The following RDX variants were observed in gnomAD, a reference collection of about 807,000 sequenced individuals.
RDX encodes the protein deafness, autosomal recessive 24.
Under a neutral mutation model 83.7 loss-of-function variants are expected in RDX, and 32 were observed. The ratio of observed to expected loss-of-function variants is 0.38; its 90% CI spans 0.29 to 0.51. RDX has a LOEUF of 0.51. RDX is among the 20% of genes least tolerant of loss of function. The pLI is 0.87. For missense variants in RDX, 600 were observed against 689.9 expected (o/e 0.87, Z 1.46); for synonymous variants, 229 against 222.7 (o/e 1.03, Z -0.25).
In RDX at chr11:110,271,798, A is replaced by G. The variant is rs1176543358; in HGVS notation, c.96+738T>C. Among the ~76,000 whole-genome samples the G allele has an allele frequency of 2.0e-5, 3 of 152,188 alleles. No homozygotes were observed. In the East Asian group the frequency reaches 5.8e-4, roughly 29 times the overall value. ...GCCTCATACATTATGAACCTATGAC[A>G]CCAAATTGTTGTTAGGGATCTCTGT... is the stretch of plus-strand genomic sequence containing the variant. On this transcript the variant is annotated intron_variant, in intron 3 of 13. Transcript: ENST00000645495.
At chr11:110,264,556 T>C (rs981561768) in intron 4 of RDX, among the ~76,000 whole-genome samples, 3 of 152,042 alleles carry the variant, frequency 2.0e-5, no homozygotes, top group Admixed American at 6.6e-5. Flanking sequence ...ATATTTGTTA[T>C]AGGCTAAGTT....
At chr11:110,276,651 T>C (rs1179295987) in intron 2 of RDX, among the ~76,000 whole-genome samples, 1 of 152,222 alleles carries the variant, frequency 6.6e-6, no homozygotes, top group Non-Finnish European at 1.5e-5. Context: ...AGATCTCCTT[T>C]AATGACTTTC....
At position 110,237,650 on chromosome 11, in the gene RDX, G is replaced by C; in HGVS notation, c.1093C>G (p.Leu365Val). ...AGAGCTTTTCGAGTCTGTTCTTCTA[G>C]TTCTATGAAATATGTGTATTCCCCC... ...EEQTIKAQKE[L>V]EEQTRKALEL... The change falls in exon 11 of 14, where the codon CTA becomes GTA. Residue 365 changes from leucine to valine, a missense_variant and splice_region_variant. By Grantham distance (32) the Leu-to-Val change is conservative. Coordinates refer to ENST00000645495, the MANE Select transcript of RDX (RefSeq NM_002906.4). The C allele has an allele frequency of 6.2e-7, 1 of 1,613,962 alleles. No individual in the cohort carries two copies. The highest frequency in any genetic ancestry group is 8.5e-7 in the Non-Finnish European group (1 of 1,179,888).
At chr11:110,271,243 T>C (rs183207014) in intron 3 of RDX, among the ~76,000 whole-genome samples, 66 of 152,326 alleles carry the variant, frequency 4.3e-4, no homozygotes, top group Admixed American at 2.5e-3. Context: ...TTTCATCAGA[T>C]TTGAATCTGT....
chr11:110,290,376 GT>G (rs1386608971), intron 1 of RDX, among the ~76,000 whole-genome samples: 1 of 152,048 alleles, frequency 6.6e-6, no homozygotes, highest in Non-Finnish European at 1.5e-5. Flanking sequence ...GCCGGGAGTG[GT>G]GGCAAGCTCC....
Position 110,255,316 on chromosome 11 carries a change from A to G in RDX, c.768T>C (p.Val256=), listed in dbSNP as rs1169113056. The G allele has an allele frequency of 6.3e-7, 1 of 1,587,870 alleles. No homozygotes were observed. Among genetic ancestry groups the G allele is most frequent in the Non-Finnish European group, 8.6e-7 (1 of 1,156,818 alleles). ...RNISFNDKKF[V]IKPIDKKAPD... The stretch of plus-strand genomic sequence containing the variant: ...GTGCCTTTTTGTCGATTGGCTTTAT[A>G]ACAAATTTTTTGTCATTAAATGAAA... The change falls in exon 8 of 14, where the codon GTT becomes GTC. Residue 256 remains valine (V), a synonymous_variant. Transcript: ENST00000645495.
chr11:110,280,094 T>C (rs1860694239), intron 1 of RDX, among the ~76,000 whole-genome samples: 1 of 152,202 alleles, frequency 6.6e-6, no homozygotes, highest in Non-Finnish European at 1.5e-5. Flanking sequence ...GTATCCAGGA[T>C]GTTAGAGAAA....
chr11:110,286,271 G>A (rs146681226), intron 1 of RDX, among the ~76,000 whole-genome samples: 41 of 152,266 alleles, frequency 2.7e-4, no homozygotes, highest in Admixed American at 2.2e-3. Flanking sequence ...CCAGCAAGTC[G>A]TCTGGAGAGA....
intron 9 of RDX, among the ~76,000 whole-genome samples, chr11:110,248,741 G>C (rs1225468882): frequency 6.6e-6 from 1 of 152,104 alleles, no homozygotes; most frequent in Non-Finnish European, 1.5e-5. Flanking sequence ...ACCTCCACTG[G>C]GGAAATAATA....
At chr11:110,274,656 TTC>T (rs1860441338) in intron 2 of RDX, among the ~76,000 whole-genome samples, 2 of 147,814 alleles carry the variant, frequency 1.4e-5, no homozygotes, top group South Asian at 4.3e-4. Context: ...TTCTCATATA[TTC>T]TGTTTGGTAT....
chr11:110,179,876 T>A (rs1367989286), intron 15 of RDX: 1 of 423,740 alleles, frequency 2.4e-6, no homozygotes, highest in Non-Finnish European at 4.5e-6. Context: ...CTGGACTTTG[T>A]TCTTTTTCTT....
chr11:110,291,272 C>T (rs569940701), intron 1 of RDX, among the ~76,000 whole-genome samples: 6 of 151,928 alleles, frequency 3.9e-5, no homozygotes, highest in Non-Finnish European at 5.9e-5. Context: ...CCCTGGAGTT[C>T]GTGGCATGGA....
intron 10 of RDX, among the ~76,000 whole-genome samples, chr11:110,240,154 T>C (rs1382634666): frequency 6.6e-6 from 1 of 152,188 alleles, no homozygotes; most frequent in East Asian, 1.9e-4. Flanking sequence ...GAAGTCAACC[T>C]AAGTGCTTAA....
chr11:110,224,799 C>A (rs1287924775), downstream of RDX, among the ~76,000 whole-genome samples: 1 of 152,202 alleles, frequency 6.6e-6, no homozygotes, highest in Non-Finnish European at 1.5e-5. Context: ...CCTTTAAATT[C>A]ATTCCATGGC....
intron 15 of RDX, among the ~76,000 whole-genome samples, chr11:110,188,333 A>G (rs1219879972): frequency 6.8e-6 from 1 of 147,050 alleles, no homozygotes; most frequent in East Asian, 1.9e-4. Context: ...TAATAATAAT[A>G]ATAACAATAA....
chr11:110,237,264 T>A (rs1864893959), intron 11 of RDX, among the ~76,000 whole-genome samples: 1 of 152,018 alleles, frequency 6.6e-6, no homozygotes. Context: ...GTAGACTCCA[T>A]TTACAAATAA....
intron 15 of RDX, among the ~76,000 whole-genome samples, chr11:110,194,973 GTTTT>G (rs869223432): frequency 7.6e-6 from 1 of 130,794 alleles, no homozygotes; most frequent in African/African-American, 3.1e-5. Flanking sequence ...TTTTTTGGTT[GTTTT>G]TTGTTTTGTT....
downstream of RDX, among the ~76,000 whole-genome samples, chr11:110,226,643 T>G (rs974736118): frequency 1.3e-5 from 2 of 152,198 alleles, no homozygotes; most frequent in African/African-American, 4.8e-5. Context: ...ATGTATATTT[T>G]ACCATGATAA....
chr11:110,184,890 T>C (rs1248319937), intron 15 of RDX, among the ~76,000 whole-genome samples: 3 of 152,152 alleles, frequency 2.0e-5, no homozygotes, highest in Non-Finnish European at 4.4e-5. Context: ...CTGTTAGAGT[T>C]TGAGACGGTG....
Sources: gnomAD v4.1 joint callset for allele counts (sites outside exome capture counted in the v4.1 genomes callset) on GRCh38, gnomAD v4.1.1 for gene constraint, MANE v1.5 for transcripts, NCBI Gene and HGNC (gene_info 2026-07-23, HGNC 2026-07-21) for gene names.